Variants in MAPK8 observed in about 807,000 individuals in gnomAD.
The protein encoded by MAPK8 is mitogen-activated protein kinase 8.
MAPK8 carries 13 observed loss-of-function variants against 52.9 expected under a neutral mutation model. The observed-to-expected ratio is 0.25, with a 90% CI of 0.16 to 0.39. MAPK8 has a LOEUF of 0.39. Among genes scored for constraint, MAPK8 ranks in the 10% least tolerant of loss-of-function variants. MAPK8 has a pLI of 1.00. For synonymous variants in MAPK8, 191 were observed against 169.8 expected, an observed-to-expected ratio of 1.12 and a Z score of -0.97; for missense variants, 300 against 519.2, an observed-to-expected ratio of 0.58 and a Z score of 4.10.
At chr10:48,321,106 T>C (rs924618881) in intron 1 of MAPK8, among the ~76,000 whole-genome samples, 3 of 149,902 alleles carry the variant, frequency 2.0e-5, no homozygotes, top group Non-Finnish European at 4.4e-5. Context: ...TTTTTTTTTT[T>C]TTTTTTAAGA....
At chr10:48,418,325 G>A (rs11597435) in intron 5 of MAPK8, among the ~76,000 whole-genome samples, 29,110 of 152,122 alleles carry the variant, frequency 0.19, 2,981 homozygotes, top group South Asian at 0.29. Context: ...CAGTTTCAGT[G>A]TTAGAATAGA....
intron 11 of MAPK8, among the ~76,000 whole-genome samples, chr10:48,432,020 A>T (rs1411956985): frequency 6.6e-6 from 1 of 152,216 alleles, no homozygotes; most frequent in Non-Finnish European, 1.5e-5. Context: ...TCTATTATGT[A>T]GATGAACTAA....
rs1334601309 is a variant in MAPK8 at position 48,435,373 on chromosome 10, CTA to C, written c.*346_*347del. On this transcript the variant is annotated 3_prime_UTR_variant, in exon 12 of 12. Transcript: ENST00000374189. ...TGTAAGATTTTGTTTATCAAAGCAACTATTATGTGGTGACTTGCCTATATCAT... is the reference window on the plus strand; with the variant it reads ...TGTAAGATTTTGTTTATCAAAGCAACTTATGTGGTGACTTGCCTATATCAT... 5.2e-5 allele frequency: 10 copies of C among 193,198 alleles called. No homozygotes were observed. The highest frequency in any genetic ancestry group is 2.3e-4 in the African/African-American group (10 of 43,184). The allele number at this position is 193,198 out of a possible 1,614,324, so 12.0% of individuals were successfully genotyped here. A position where few individuals can be genotyped will look rare whatever the true frequency, so the allele number is the denominator to read the frequency against.
At chr10:48,430,081 G>GT (rs1369148462) in intron 10 of MAPK8, 3 of 152,146 alleles carry the variant, frequency 2.0e-5, no homozygotes. Flanking sequence ...CCTTAAGAAG[G>GT]TTTTTTGTTT....
intron 1 of MAPK8, among the ~76,000 whole-genome samples, chr10:48,387,643 A>G (rs977487441): frequency 1.6e-4 from 25 of 152,208 alleles, no homozygotes; most frequent in African/African-American, 5.8e-4. Flanking sequence ...TGACAGTTTC[A>G]GTAGTACAGA....
intron 1 of MAPK8, among the ~76,000 whole-genome samples, chr10:48,324,060 G>A (rs1444417257): frequency 1.3e-5 from 2 of 152,300 alleles, no homozygotes; most frequent in Non-Finnish European, 2.9e-5. Context: ...CATACACATT[G>A]AAAGAATATT....
At chr10:48,394,869 A>AT (rs943249730) in intron 1 of MAPK8, among the ~76,000 whole-genome samples, 1 of 151,956 alleles carries the variant, frequency 6.6e-6, no homozygotes, top group Non-Finnish European at 1.5e-5. Flanking sequence ...TTATACAGAA[A>AT]TTCATTGCAT....
intron 2 of MAPK8, 31 bp downstream of exon 2, chr10:48,401,813 G>A (rs2042173611): frequency 3.6e-6 from 5 of 1,385,932 alleles, no homozygotes; most frequent in South Asian, 2.0e-5. Flanking sequence ...ATTAGGCAAA[G>A]AATCATTAAC....
chr10:48,425,831 A>ACAAGAATACAT, intron 7 of MAPK8, 57 bp from the exon 8 acceptor site: 13 of 818,968 alleles, frequency 1.6e-5, no homozygotes, highest in African/African-American at 2.8e-5. Flanking sequence ...TAATATGAAT[A>ACAAGAATACAT]TGACTAATGT....
chr10:48,372,756 T>C (rs1035243579), intron 1 of MAPK8, among the ~76,000 whole-genome samples: 2 of 151,854 alleles, frequency 1.3e-5, no homozygotes, highest in Non-Finnish European at 2.9e-5. Flanking sequence ...CTACGTTTGA[T>C]TGGTGTACCT....
intron 1 of MAPK8, among the ~76,000 whole-genome samples, chr10:48,329,370 A>G (rs992681491): frequency 3.3e-5 from 5 of 152,184 alleles, no homozygotes; most frequent in Admixed American, 6.5e-5. Context: ...CAGTTAATTA[A>G]GCAATAACGT....
rs544818312 is a variant in MAPK8 at position 48,329,786 on chromosome 10, C to T, written c.-50+22965C>T. Among the ~76,000 whole-genome samples the T allele has an allele frequency of 5.3e-5, 8 of 152,194 alleles. No homozygotes were observed. The South Asian group carries it at 6.2e-4, about 12-fold the overall frequency. On this transcript the variant is annotated intron_variant, in intron 1 of 11. Transcript: ENST00000374189. ...TGTGTTAACATAGGGTCCATTGCATCCTATTTACTGGTTTATTTTTATCCT... is the reference window on the plus strand; with the variant it reads ...TGTGTTAACATAGGGTCCATTGCATTCTATTTACTGGTTTATTTTTATCCT...
At chr10:48,415,562 A>G (rs1237791635) in intron 5 of MAPK8, among the ~76,000 whole-genome samples, 2 of 152,342 alleles carry the variant, frequency 1.3e-5, no homozygotes, top group East Asian at 1.9e-4. Flanking sequence ...CCATAACACA[A>G]ACATTCGTAG....
intron 5 of MAPK8, among the ~76,000 whole-genome samples, chr10:48,410,912 A>G (rs2042713173): frequency 6.6e-6 from 1 of 152,102 alleles, no homozygotes; most frequent in Non-Finnish European, 1.5e-5. Context: ...GCTTGTGGCC[A>G]TTTGTGTATC....
chr10:48,412,706 G>A (rs182926021), intron 5 of MAPK8, among the ~76,000 whole-genome samples: 4 of 152,292 alleles, frequency 2.6e-5, no homozygotes, highest in Admixed American at 2.6e-4. Context: ...AAAATCCTTT[G>A]CTAGTTAGGG....
intron 2 of MAPK8, among the ~76,000 whole-genome samples, chr10:48,402,732 C>T (rs1349895218): frequency 6.6e-6 from 1 of 152,174 alleles, no homozygotes; most frequent in Non-Finnish European, 1.5e-5. Context: ...TCCAGTATTT[C>T]TCCTAGGTTC....
At chr10:48,352,793 C>G (rs1248143699) in intron 1 of MAPK8, among the ~76,000 whole-genome samples, 1 of 152,084 alleles carries the variant, frequency 6.6e-6, no homozygotes. Context: ...GGGGAAAGCC[C>G]TGACAATTGG....
chr10:48,372,375 T>G (rs751156791), intron 1 of MAPK8, among the ~76,000 whole-genome samples: 1 of 152,112 alleles, frequency 6.6e-6, no homozygotes, highest in Non-Finnish European at 1.5e-5. Context: ...AGAATGAGTT[T>G]GACGGATTGA....
chr10:48,315,121 C>G (rs968437735), intron 1 of MAPK8, among the ~76,000 whole-genome samples: 2 of 152,174 alleles, frequency 1.3e-5, no homozygotes, highest in Admixed American at 6.5e-5. Context: ...CCTTTTATTT[C>G]TCTTCCTTTT....
Sources: gnomAD v4.1 joint callset for allele counts (sites outside exome capture counted in the v4.1 genomes callset) on GRCh38, gnomAD v4.1.1 for gene constraint, MANE v1.5 for transcripts, NCBI Gene and HGNC (gene_info 2026-07-23, HGNC 2026-07-21) for gene names.